Variants in SPAG9 observed in about 807,000 individuals in gnomAD.
SPAG9 encodes sperm associated antigen 9.
Under a neutral mutation model 166.5 loss-of-function variants are expected in SPAG9, and 35 were observed. That is an observed-to-expected ratio of 0.21 (90% CI 0.16 to 0.28). SPAG9 has a LOEUF of 0.28. Among genes scored for constraint, SPAG9 ranks in the 10% least tolerant of loss-of-function variants. SPAG9 has a pLI of 1.00. For missense variants in SPAG9, 1,235 were observed against 1,603.3 expected (o/e 0.77, Z 3.92); for synonymous variants, 534 against 565.5 (o/e 0.94, Z 0.79).
intron 16 of SPAG9, 108 bp downstream of exon 16, chr17:50,996,457 G>C (rs1042784723): frequency 1.5e-6 from 2 of 1,296,484 alleles, no homozygotes; most frequent in Non-Finnish European, 2.2e-6. Flanking sequence ...AGTCCATGCG[G>C]CTGAGATGAG....
At chr17:51,075,040 A>T (rs2047927560) in intron 2 of SPAG9, among the ~76,000 whole-genome samples, 1 of 151,734 alleles carries the variant, frequency 6.6e-6, no homozygotes. Context: ...CTACAAATAT[A>T]CAAAAATTAG....
At chr17:51,023,787 CCT>C (rs947316116) in intron 6 of SPAG9, among the ~76,000 whole-genome samples, 1 of 152,078 alleles carries the variant, frequency 6.6e-6, no homozygotes, top group African/African-American at 2.4e-5. Context: ...GCCTCAGTCC[CCT>C]GAGCACCTAT....
At chr17:51,107,976 C>T (rs376410030) in intron 1 of SPAG9, among the ~76,000 whole-genome samples, 2 of 151,402 alleles carry the variant, frequency 1.3e-5, no homozygotes, top group East Asian at 1.9e-4. Flanking sequence ...CAGGCCTATA[C>T]CCCAGAGGAA....
At chr17:51,107,858 TG>T (rs1261454622) in intron 1 of SPAG9, among the ~76,000 whole-genome samples, 10 of 150,472 alleles carry the variant, frequency 6.6e-5, no homozygotes, top group African/African-American at 2.4e-4. Context: ...GAGGCTACAG[TG>T]AGCTCTGATT....
chr17:51,021,542 G>A (rs879922269), intron 6 of SPAG9, among the ~76,000 whole-genome samples, 177 bp from the exon 7 acceptor site: 16 of 151,872 alleles, frequency 1.1e-4, no homozygotes, highest in East Asian at 3.9e-4. Context: ...GCAAATAATC[G>A]GGAAATATTT....
chr17:51,005,158 C>G, intron 12 of SPAG9, 54 bp downstream of exon 12: 1 of 1,499,750 alleles, frequency 6.7e-7, no homozygotes, highest in South Asian at 1.1e-5. Flanking sequence ...AAGATCTTCC[C>G]GAAACACCAA....
At chr17:51,119,211 T>C (rs1326584723) in intron 1 of SPAG9, among the ~76,000 whole-genome samples, 1 of 152,160 alleles carries the variant, frequency 6.6e-6, no homozygotes, top group East Asian at 1.9e-4. Context: ...AAAAATTTAA[T>C]GGTGTTACTA....
intron 6 of SPAG9, among the ~76,000 whole-genome samples, chr17:51,029,803 T>G (rs2046321071): frequency 6.6e-6 from 1 of 152,176 alleles, no homozygotes; most frequent in Non-Finnish European, 1.5e-5. Context: ...GTGCAGAGTT[T>G]TAGATTTGCA....
chr17:51,100,539 T>A (rs952435697), intron 1 of SPAG9, among the ~76,000 whole-genome samples: 1 of 150,750 alleles, frequency 6.6e-6, no homozygotes, highest in South Asian at 2.1e-4. Context: ...GAGGCTGAGG[T>A]GGAAGGATCA....
At chr17:51,089,620 T>TTATATATATATATATATA (rs746370783) in intron 1 of SPAG9, among the ~76,000 whole-genome samples, 4 of 40,468 alleles carry the variant, frequency 9.9e-5, no homozygotes, top group Non-Finnish European at 1.3e-4. Context: ...ACACTTTATT[T>TTATATATATATATATATA]TATATATATA....
chr17:51,087,728 T>G (rs970252448), intron 1 of SPAG9, among the ~76,000 whole-genome samples: 1 of 152,174 alleles, frequency 6.6e-6, no homozygotes, highest in African/African-American at 2.4e-5. Context: ...AATTTAATTT[T>G]TAATTTTCAT....
chr17:50,985,038 A>C (rs746363070), intron 23 of SPAG9, 48 bp from the exon 24 acceptor site: 2 of 1,536,834 alleles, frequency 1.3e-6, no homozygotes, highest in Non-Finnish European at 1.8e-6. Flanking sequence ...AGGAATACAG[A>C]AGGGACCACA....
chr17:51,039,960 C>T (rs191062441), intron 5 of SPAG9, among the ~76,000 whole-genome samples: 211 of 152,166 alleles, frequency 1.4e-3, no homozygotes, highest in African/African-American at 4.8e-3. Flanking sequence ...TGCAGCCAGG[C>T]GCAGTGGCTC....
At chr17:50,967,529 C>T (rs1408743249) in intron 29 of SPAG9, among the ~76,000 whole-genome samples, 9 of 152,138 alleles carry the variant, frequency 5.9e-5, no homozygotes, top group Admixed American at 5.9e-4. Flanking sequence ...CATCTCTGAA[C>T]TGAAACATAC....
chr17:51,059,277 G>A (rs9303570), intron 2 of SPAG9, among the ~76,000 whole-genome samples: 85,064 of 151,804 alleles, frequency 0.56, 24,556 homozygotes, highest in African/African-American at 0.65. Flanking sequence ...GTTCAAACAC[G>A]ATGTGCATCC....
At chr17:51,119,596 C>T (rs2049410461) in intron 1 of SPAG9, among the ~76,000 whole-genome samples, 1 of 152,118 alleles carries the variant, frequency 6.6e-6, no homozygotes, top group African/African-American at 2.4e-5. Flanking sequence ...AAGAAGGAAA[C>T]TCAGACGGAA....
chr17:51,001,576 G>T, intron 13 of SPAG9, 139 bp downstream of exon 13: 1 of 749,144 alleles, frequency 1.3e-6, no homozygotes, highest in Non-Finnish European at 2.0e-6. Flanking sequence ...CTAATTCTGA[G>T]TGTTACTTTA....
rs771164093 is a variant in SPAG9 at position 51,120,621 on chromosome 17, C to T, written c.36G>A (p.Glu12=). The change falls in exon 1 of 30, where the codon GAG becomes GAA. Residue 12 remains glutamate, a synonymous_variant. Transcript: ENST00000262013. The surrounding 1 kb of genome is among the most constrained non-coding windows in gnomAD (Gnocchi z 4.7). ...ELEDGVVYQE[E]PGGSGAVMSE... is the part of the protein sequence containing the mutation. ...ACATCACGGCCCCGGAGCCGCCGGG[C>T]TCCTCCTGATACACCACACCGTCCT... 1 of 1,611,478 alleles carries T rather than the reference C, an allele frequency of 6.2e-7. No individual in the cohort carries two copies. Among genetic ancestry groups the T allele is most frequent in the South Asian group, 1.1e-5 (1 of 90,778 alleles).
Position 50,998,479 on chromosome 17 carries a change from C to T in SPAG9, c.1803G>A (p.Gly601=), listed in dbSNP as rs746185446. The T allele has an allele frequency of 6.2e-7, 1 of 1,614,020 alleles. No individual in the cohort carries two copies. Among genetic ancestry groups the T allele is most frequent in the Non-Finnish European group, 8.5e-7 (1 of 1,179,970 alleles). The change falls in exon 15 of 30, where the codon GGG becomes GGA. Residue 601 remains glycine (G), a synonymous_variant. Transcript: ENST00000262013. The stretch of plus-strand genomic sequence containing the variant: ...GGAAATCAAAGGCTTTGGACTTATC[C>T]CCAGGGAGCTGAGATAAGGTGCTGC... ...KRSSTLSQLP[G]DKSKAFDFLS...
Sources: gnomAD v4.1 joint callset for allele counts (sites outside exome capture counted in the v4.1 genomes callset) on GRCh38, gnomAD v4.1.1 for gene constraint, Gnocchi (gnomAD v3.1) non-coding constraint, MANE v1.5 for transcripts, NCBI Gene and HGNC (gene_info 2026-07-23, HGNC 2026-07-21) for gene names.